ATP11C: variants seen among roughly 807,000 people sequenced by gnomAD.
ATP11C encodes the protein ATPase phospholipid transporting 11C (ATP11C blood group).
Under a neutral mutation model 97.4 loss-of-function variants are expected in ATP11C, and 36 were observed. That is an observed-to-expected ratio of 0.37 (90% CI 0.28 to 0.49). ATP11C has a LOEUF of 0.49. Among genes scored for constraint, ATP11C ranks in the 20% least tolerant of loss-of-function variants. ATP11C has a pLI of 0.98. For missense variants in ATP11C, 730 were observed against 824.6 expected (o/e 0.89, Z 1.40); for synonymous variants, 275 against 290.9 (o/e 0.95, Z 0.56).
At chrX:139,808,476 G>T (rs1434060107) in intron 5 of ATP11C, among the ~76,000 whole-genome samples, 1 of 111,128 alleles carries the variant, frequency 9.0e-6, no homozygotes, top group African/African-American at 3.3e-5. Context: ...AAAATGTAAA[G>T]GCATCAAAGA....
intron 23 of ATP11C, among the ~76,000 whole-genome samples, chrX:139,754,173 A>C (rs1337650683): frequency 8.9e-6 from 1 of 111,736 alleles, no homozygotes; most frequent in East Asian, 2.8e-4. Context: ...AAATACAAAA[A>C]CCCTGAGAGA....
chrX:139,845,936 C>T (rs2083900890), intron 1 of ATP11C, among the ~76,000 whole-genome samples: 1 of 112,339 alleles, frequency 8.9e-6, no homozygotes, highest in Non-Finnish European at 1.9e-5. Flanking sequence ...GCCAAAGCAA[C>T]AGGGAAGTTG....
intron 20 of ATP11C, among the ~76,000 whole-genome samples, chrX:139,763,660 A>AGTT (rs746920633): frequency 2.5e-4 from 28 of 112,473 alleles, no homozygotes; most frequent in Admixed American, 1.4e-3. Flanking sequence ...ACTAACTACA[A>AGTT]CGTAAATGCT....
At chrX:139,857,791 TA>T (rs34921889) in intron 1 of ATP11C, among the ~76,000 whole-genome samples, 6,057 of 101,495 alleles carry the variant, frequency 0.06, 423 homozygotes, top group African/African-American at 0.2. Flanking sequence ...ATTTTTAAAT[TA>T]AAAAAAAAAA....
intron 1 of ATP11C, among the ~76,000 whole-genome samples, chrX:139,841,345 C>A (rs1027678729): frequency 8.9e-6 from 1 of 112,250 alleles, no homozygotes; most frequent in Non-Finnish European, 1.9e-5. Context: ...TAGTTTTCAT[C>A]CACACACTTG....
intron 1 of ATP11C, among the ~76,000 whole-genome samples, chrX:139,916,087 T>G: frequency 9.2e-6 from 1 of 109,281 alleles, no homozygotes; most frequent in Non-Finnish European, 1.9e-5. Flanking sequence ...AAATTAGCTG[T>G]GCGTGGTGGC....
chrX:139,865,258 C>A (rs2084261944), intron 1 of ATP11C, among the ~76,000 whole-genome samples: 1 of 111,498 alleles, frequency 9.0e-6, no homozygotes, highest in Non-Finnish European at 1.9e-5. Context: ...GTGATCCCAG[C>A]TACTTGGGAG....
Position 139,865,766 on chromosome X carries a change from A to AAAAT in ATP11C, c.28-38947_28-38944dup, listed in dbSNP as rs904747083. Among the ~76,000 whole-genome samples the AAAAT allele has an allele frequency of 3.7e-4, 41 of 111,217 alleles. 1 individual carries two copies. Among genetic ancestry groups the AAAAT allele is most frequent in the African/African-American group, 1.0e-3 (32 of 30,599 alleles). On this transcript the variant is annotated intron_variant, in intron 1 of 29. Transcript: ENST00000682941. ...ACAGAGCGAGACCCTGTCCCCAAAA[A>AAAAT]AAATAAATAAATAAATAAATAAGAC...
At chrX:139,928,425 A>G (rs1017735705) in intron 1 of ATP11C, among the ~76,000 whole-genome samples, 3 of 111,704 alleles carry the variant, frequency 2.7e-5, no homozygotes, top group African/African-American at 9.7e-5. Context: ...AACAGAAAAA[A>G]AAAAATGTTT....
In ATP11C at chrX:139,932,145, G is replaced by A; in HGVS notation, c.-103C>T. 1.2e-5 allele frequency: 10 copies of A among 813,707 alleles called. No homozygotes were observed. Among genetic ancestry groups the A allele is most frequent in the Non-Finnish European group, 1.6e-5 (10 of 645,161 alleles). 67.1% of individuals were successfully genotyped at this position (813,707 alleles called of 1,213,427 possible). On this transcript the variant is annotated 5_prime_UTR_variant, in exon 1 of 30. Transcript: ENST00000682941. The stretch of plus-strand genomic sequence containing the variant: ...GCGTGGGCCGGCGGCGCCAAGCGGA[G>A]CAGCGAGGCGGGCGGCCGGGCCACC...
At chrX:139,846,596 T>C (rs1280196752) in intron 1 of ATP11C, among the ~76,000 whole-genome samples, 1 of 111,811 alleles carries the variant, frequency 8.9e-6, no homozygotes, top group African/African-American at 3.2e-5. Context: ...TGGGCTCTAA[T>C]GGTGACCATA....
chrX:139,842,370 C>G (rs756541935), intron 1 of ATP11C, among the ~76,000 whole-genome samples: 1 of 112,392 alleles, frequency 8.9e-6, no homozygotes, highest in Non-Finnish European at 1.9e-5. Flanking sequence ...TAGAGTAACT[C>G]TCCCCCTTTT....
intron 1 of ATP11C, among the ~76,000 whole-genome samples, chrX:139,861,651 A>C (rs1170210915): frequency 9.0e-6 from 1 of 110,783 alleles, no homozygotes; most frequent in Non-Finnish European, 1.9e-5. Context: ...AAAGGAGCGA[A>C]GCCAAAATTT....
At chrX:139,931,946 T>C in intron 1 of ATP11C, 70 bp downstream of exon 1, 2 of 1,103,676 alleles carry the variant, frequency 1.8e-6, no homozygotes, top group Non-Finnish European at 2.4e-6. Flanking sequence ...AAAATTGTTG[T>C]GAGGGACCCG....
intron 1 of ATP11C, among the ~76,000 whole-genome samples, chrX:139,863,203 C>T (rs2084230902): frequency 8.9e-6 from 1 of 112,487 alleles, no homozygotes; most frequent in Non-Finnish European, 1.9e-5. Context: ...TAGAAAAACA[C>T]ATTTGTTTTT....
In ATP11C at chrX:139,731,736, C is replaced by A; in HGVS notation, c.3308G>T (p.Arg1103Met). The part of the protein sequence containing the change: ...RSARRNLSCR[R>M]ASDSLSARPS... ...TCTGGCGGATAATGAGTCAGATGCC[C>A]TTCTACAGCTCAGATTTCTCTGTAA... Residue 1103 changes from arginine (R) to methionine (M), a missense_variant, in exon 29 of 30, where the codon AGG becomes ATG. Physicochemically the swap from Arg to Met is moderately conservative, Grantham distance 91. Coordinates refer to ENST00000682941, the MANE Select transcript of ATP11C (RefSeq NM_001353812.2). 8.4e-7 allele frequency: 1 copy of A among 1,185,721 alleles called. No individual in the cohort carries two copies.
At chrX:139,896,829 G>A (rs930521006) in intron 1 of ATP11C, among the ~76,000 whole-genome samples, 1 of 109,717 alleles carries the variant, frequency 9.1e-6, no homozygotes, top group Non-Finnish European at 1.9e-5. Context: ...GGCTATTCTC[G>A]AACTCCTGAC....
At chrX:139,777,470 A>AT (rs2082370285) in intron 18 of ATP11C, among the ~76,000 whole-genome samples, 3 of 110,318 alleles carry the variant, frequency 2.7e-5, no homozygotes, top group Middle Eastern at 4.7e-3. Context: ...ATCCAGTCAG[A>AT]TAAAAAAAAA....
chrX:139,787,891 T>C (rs1228802222), intron 14 of ATP11C, among the ~76,000 whole-genome samples: 5 of 112,391 alleles, frequency 4.4e-5, no homozygotes, highest in African/African-American at 1.3e-4. Flanking sequence ...AAATAACATG[T>C]GTTGTACAAA....
Sources: allele counts gnomAD v4.1 joint callset (sites outside exome capture counted in the v4.1 genomes callset), GRCh38; gene constraint gnomAD v4.1.1; transcripts MANE v1.5; gene names NCBI Gene and HGNC (gene_info 2026-07-23, HGNC 2026-07-21).